Variants in BABAM2 observed in about 807,000 individuals in gnomAD.
The protein encoded by BABAM2 is BRISC and BRCA1-A complex member 2.
In BABAM2, 31 loss-of-function variants were observed where a neutral mutation model predicts 54.7. The observed-to-expected ratio is 0.57, with a 90% CI of 0.43 to 0.77. The LOEUF (loss-of-function observed/expected upper bound fraction) is 0.77. BABAM2 is among the 30% of genes least tolerant of loss of function. The pLI is 0.00. For missense variants in BABAM2, 364 were observed against 455.8 expected (o/e 0.80, Z 1.83); for synonymous variants, 167 against 162.9 (o/e 1.03, Z -0.19).
intron 3 of BABAM2, among the ~76,000 whole-genome samples, chr2:27,966,940 G>T (rs937748336): frequency 1.3e-5 from 2 of 152,266 alleles, no homozygotes; most frequent in Middle Eastern, 3.4e-3. Context: ...TTGATCTTTA[G>T]TGGCCCAGAC....
chr2:27,902,140 C>G (rs1665835329), intron 2 of BABAM2, among the ~76,000 whole-genome samples: 1 of 152,126 alleles, frequency 6.6e-6, no homozygotes, highest in African/African-American at 2.4e-5. Context: ...TGAACATTCT[C>G]TCACATGTGC....
intron 3 of BABAM2, among the ~76,000 whole-genome samples, chr2:27,986,019 G>A (rs964105347): frequency 6.6e-6 from 1 of 152,288 alleles, no homozygotes; most frequent in South Asian, 2.1e-4. Flanking sequence ...GCTCATAAAG[G>A]ATGGTAAGAA....
chr2:27,958,295 G>A (rs1459597340), intron 3 of BABAM2, among the ~76,000 whole-genome samples: 2 of 151,970 alleles, frequency 1.3e-5, no homozygotes, highest in African/African-American at 2.4e-5. Context: ...TGGAAGAGAT[G>A]GGGAGAAGAG....
intron 4 of BABAM2, among the ~76,000 whole-genome samples, chr2:27,998,105 A>T (rs941280908): frequency 3.9e-5 from 6 of 152,106 alleles, no homozygotes; most frequent in African/African-American, 1.4e-4. Context: ...GTGATCCAAG[A>T]TCATGCCACT....
chr2:27,995,183 G>C lies in BABAM2; in HGVS notation c.300+7096G>C, dbSNP rs2148500450. Reference sequence around the variant, plus strand: ...GTGCTGTGGGCCAGAATTGGTGCAGGTGGCCTACTGGGTGCTGGTAAGCCA... The same window carrying C: ...GTGCTGTGGGCCAGAATTGGTGCAGCTGGCCTACTGGGTGCTGGTAAGCCA... On this transcript the variant is annotated intron_variant, in intron 4 of 11. Transcript: ENST00000379624. The surrounding 1 kb of genome is among the most constrained non-coding windows in gnomAD (Gnocchi z 4.1). Among the ~76,000 whole-genome samples, 2 of 152,294 alleles carry C rather than the reference G, an allele frequency of 1.3e-5. No homozygotes were observed. The highest frequency in any genetic ancestry group is 3.9e-4 in the East Asian group (2 of 5,178).
chr2:28,232,810 G>A (rs2148045985), intron 7 of BABAM2, among the ~76,000 whole-genome samples: 1 of 152,312 alleles, frequency 6.6e-6, no homozygotes, highest in South Asian at 2.1e-4. Flanking sequence ...GTGATAATTT[G>A]CAGACAGACC....
At chr2:27,941,062 T>G (rs1033948748) in intron 3 of BABAM2, among the ~76,000 whole-genome samples, 7 of 152,252 alleles carry the variant, frequency 4.6e-5, no homozygotes, top group African/African-American at 1.7e-4. Context: ...AGGATCTGAT[T>G]GGCAGCTTGG....
At chr2:27,949,635 A>G (rs1669558878) in intron 3 of BABAM2, among the ~76,000 whole-genome samples, 1 of 152,216 alleles carries the variant, frequency 6.6e-6, no homozygotes. Flanking sequence ...ATCATACTCT[A>G]AAAGAACTGG....
chr2:28,137,714 C>T (rs756872176), intron 7 of BABAM2, among the ~76,000 whole-genome samples: 1 of 152,138 alleles, frequency 6.6e-6, no homozygotes, highest in Non-Finnish European at 1.5e-5. Flanking sequence ...TTTTATCTAG[C>T]TTCCTTTTTA....
chr2:28,020,647 C>T (rs1293871796), intron 4 of BABAM2, among the ~76,000 whole-genome samples: 1 of 151,916 alleles, frequency 6.6e-6, no homozygotes, highest in Non-Finnish European at 1.5e-5. Flanking sequence ...TGTGTTATTG[C>T]AATTGTTTCT....
chr2:28,091,237 A>G (rs925694139), intron 6 of BABAM2, among the ~76,000 whole-genome samples: 3 of 152,232 alleles, frequency 2.0e-5, no homozygotes, highest in Admixed American at 1.3e-4. Flanking sequence ...TTGATTTTAA[A>G]TGATGCGAAA....
intron 11 of BABAM2, among the ~76,000 whole-genome samples, chr2:28,337,436 T>A (rs1435807828): frequency 5.3e-5 from 8 of 152,162 alleles, no homozygotes; most frequent in Non-Finnish European, 7.3e-5. Context: ...CATGGCTGGG[T>A]CACCCCGCCA....
chr2:28,302,538 G>T (rs1429188272), intron 11 of BABAM2, among the ~76,000 whole-genome samples: 1 of 151,514 alleles, frequency 6.6e-6, no homozygotes, highest in East Asian at 1.9e-4. Flanking sequence ...TTGTTTCCAG[G>T]TTGAGGATTT....
chr2:27,956,523 A>T lies in BABAM2; in HGVS notation c.205+26615A>T, dbSNP rs73923957. Among the ~76,000 whole-genome samples, 1,401 of 152,334 alleles carry T rather than the reference A, an allele frequency of 9.2e-3. 23 individuals are homozygous for T. Among genetic ancestry groups the T allele is most frequent in the African/African-American group, 0.031 (1,308 of 41,572 alleles). On this transcript the variant is annotated intron_variant, in intron 3 of 11. Transcript: ENST00000379624. ...TGATTTCCAAGATCTGTTGCCGATGACCCACACAGTAGACAATCAGGAAAT... is the reference window on the plus strand; with the variant it reads ...TGATTTCCAAGATCTGTTGCCGATGTCCCACACAGTAGACAATCAGGAAAT...
At chr2:28,120,592 A>C (rs1668986653) in intron 6 of BABAM2, among the ~76,000 whole-genome samples, 3 of 152,222 alleles carry the variant, frequency 2.0e-5, no homozygotes, top group Non-Finnish European at 4.4e-5. Context: ...CGAAGATTAG[A>C]GATAATGCAT....
At chr2:27,953,260 A>G (rs1207171887) in intron 3 of BABAM2, among the ~76,000 whole-genome samples, 1 of 152,070 alleles carries the variant, frequency 6.6e-6, no homozygotes, top group African/African-American at 2.4e-5. Context: ...GGCTTACTGC[A>G]GCCTTGAACT....
At chr2:28,217,973 G>A (rs956111854) in intron 7 of BABAM2, among the ~76,000 whole-genome samples, 4 of 152,128 alleles carry the variant, frequency 2.6e-5, no homozygotes, top group Admixed American at 6.5e-5. Flanking sequence ...AGGGATTTTT[G>A]TGTAACTTTT....
intron 6 of BABAM2, among the ~76,000 whole-genome samples, chr2:28,107,580 C>G (rs939545930): frequency 2.6e-5 from 4 of 152,132 alleles, no homozygotes; most frequent in African/African-American, 9.7e-5. Context: ...CTTTTTACTC[C>G]CTTGGATCAT....
intron 6 of BABAM2, among the ~76,000 whole-genome samples, chr2:28,119,710 A>G (rs1668899255): frequency 6.6e-6 from 1 of 152,164 alleles, no homozygotes; most frequent in Non-Finnish European, 1.5e-5. Context: ...TGTTTATGAA[A>G]ATAATAAGCA....
Sources: gnomAD v4.1 joint callset for allele counts (sites outside exome capture counted in the v4.1 genomes callset) on GRCh38, gnomAD v4.1.1 for gene constraint, Gnocchi (gnomAD v3.1) non-coding constraint, MANE v1.5 for transcripts, NCBI Gene and HGNC (gene_info 2026-07-23, HGNC 2026-07-21) for gene names.